APBA1: variants seen among roughly 807,000 people sequenced by gnomAD.
The protein encoded by APBA1 is amyloid-beta A4 precursor protein-binding family A member 1.
Under a neutral mutation model 86.6 loss-of-function variants are expected in APBA1, and 55 were observed. The ratio of observed to expected loss-of-function variants is 0.64; its 90% CI spans 0.51 to 0.80. The LOEUF is 0.80. Among genes scored for constraint, APBA1 ranks in the 30% least tolerant of loss-of-function variants. The pLI, the probability that APBA1 is intolerant of heterozygous loss-of-function variation, is 0.00. For synonymous variants in APBA1, 511 were observed against 493.9 expected (o/e 1.03, Z -0.46); for missense variants, 1,090 against 1,183.0 (o/e 0.92, Z 1.15).
chr9:69,473,043 G>C lies in APBA1; in HGVS notation c.1297-1348C>G, dbSNP rs190764449. On this transcript the variant is annotated intron_variant, in intron 3 of 12. Coordinates refer to ENST00000265381, the MANE Select transcript of APBA1 (RefSeq NM_001163.4). Reference sequence around the variant, plus strand: ...GCTTTTCAGTAAACCTGCTGCATGTGTGCTCACTGGGATGAAATGGTTCTG... The same window carrying C: ...GCTTTTCAGTAAACCTGCTGCATGTCTGCTCACTGGGATGAAATGGTTCTG... Among the ~76,000 whole-genome samples, 231 of 152,290 alleles carry C rather than the reference G, an allele frequency of 1.5e-3. 2 individuals carry two copies. The highest frequency in any genetic ancestry group is 7.1e-4 in the Non-Finnish European group (48 of 68,018).
At chr9:69,644,038 C>A (rs1275013091) in intron 1 of APBA1, among the ~76,000 whole-genome samples, 1 of 152,194 alleles carries the variant, frequency 6.6e-6, no homozygotes, top group Non-Finnish European at 1.5e-5. Flanking sequence ...AATGGCCAGG[C>A]CTTCCTTGAC....
In APBA1 at chr9:69,516,506, C is replaced by T. The variant is rs368335611; in HGVS notation, c.705G>A (p.Leu235=). Residue 235 remains leucine, a synonymous_variant, in exon 2 of 13, where the codon CTG becomes CTA. Transcript: ENST00000265381. The surrounding 1 kb of genome is among the most constrained non-coding windows in gnomAD (Gnocchi z 7.3). ...CGTCGGAGCGCTCGTCGTAATGGTGCAGCCGCGCGCCCAGGGCCTCCTGGC... is the reference window on the plus strand; with the variant it reads ...CGTCGGAGCGCTCGTCGTAATGGTGTAGCCGCGCGCCCAGGGCCTCCTGGC... ...AYRQEALGAR[L]HHYDERSDGE... is the part of the protein sequence containing the mutation. The T allele has an allele frequency of 6.3e-7, 1 of 1,596,364 alleles. No individual in the cohort carries two copies.
At chr9:69,553,525 C>A (rs1251213401) in intron 1 of APBA1, among the ~76,000 whole-genome samples, 1 of 152,144 alleles carries the variant, frequency 6.6e-6, no homozygotes, top group Non-Finnish European at 1.5e-5. Context: ...AAAATTCACC[C>A]ATGTCATTGT....
chr9:69,667,282 A>G (rs1215598674), intron 1 of APBA1, among the ~76,000 whole-genome samples: 1 of 152,182 alleles, frequency 6.6e-6, no homozygotes. Flanking sequence ...CTATACAAAA[A>G]TTACTTAAGT....
intron 3 of APBA1, chr9:69,474,162 G>A (rs1418002672): frequency 6.6e-6 from 1 of 152,144 alleles, no homozygotes; most frequent in African/African-American, 2.4e-5. Flanking sequence ...CACACAAATC[G>A]ACTCGTGCAG....
At chr9:69,596,393 T>C (rs1439607803) in intron 1 of APBA1, among the ~76,000 whole-genome samples, 3 of 152,230 alleles carry the variant, frequency 2.0e-5, no homozygotes, top group African/African-American at 4.8e-5. Flanking sequence ...CTGATTTATC[T>C]GTGTATTCAT....
chr9:69,499,224 A>C (rs530468231), intron 2 of APBA1, among the ~76,000 whole-genome samples: 1 of 152,248 alleles, frequency 6.6e-6, no homozygotes, highest in Admixed American at 6.5e-5. Flanking sequence ...TCTTCCTCTT[A>C]ACAGCACAAA....
At chr9:69,466,547 G>C (rs1337584264) in intron 5 of APBA1, among the ~76,000 whole-genome samples, 3 of 152,202 alleles carry the variant, frequency 2.0e-5, no homozygotes, top group Non-Finnish European at 4.4e-5. Context: ...CTCTGACACT[G>C]TCCTCTCCTT....
intron 1 of APBA1, among the ~76,000 whole-genome samples, chr9:69,546,059 T>G (rs1836692822): frequency 6.6e-6 from 1 of 152,224 alleles, no homozygotes; most frequent in South Asian, 2.1e-4. Flanking sequence ...AAATTTACTT[T>G]AAAAAATTAG....
chr9:69,476,035 A>G lies in APBA1; in HGVS notation c.1296+13T>C. 1 of 1,611,564 alleles carries G rather than the reference A, an allele frequency of 6.2e-7. No homozygotes were observed. On this transcript the variant is annotated intron_variant, in intron 3 of 12. Coordinates refer to ENST00000265381, the MANE Select transcript of APBA1 (RefSeq NM_001163.4). ...AATGGCCCAATGGCTTTGGTAACAA[A>G]ACAGCACCCTACCTCTTTATTAGTG...
chr9:69,577,842 G>A (rs1484343594), intron 1 of APBA1, among the ~76,000 whole-genome samples: 1 of 152,126 alleles, frequency 6.6e-6, no homozygotes, highest in East Asian at 1.9e-4. Context: ...CCAGAGAGGT[G>A]AAGGGACTTA....
chr9:69,440,573 C>T (rs62570245), intron 11 of APBA1, among the ~76,000 whole-genome samples: 10,438 of 152,166 alleles, frequency 0.069, 566 homozygotes, highest in East Asian at 0.27. Flanking sequence ...GGCGTAGGAC[C>T]CTCCGAGCCA....
intron 2 of APBA1, among the ~76,000 whole-genome samples, chr9:69,484,795 C>G (rs1421151711): frequency 2.0e-5 from 3 of 152,056 alleles, no homozygotes; most frequent in African/African-American, 7.2e-5. Flanking sequence ...TAAATGTTTA[C>G]TGAATAAATG....
chr9:69,448,397 T>C (rs1834947201), intron 10 of APBA1, among the ~76,000 whole-genome samples: 1 of 152,224 alleles, frequency 6.6e-6, no homozygotes, highest in African/African-American at 2.4e-5. Flanking sequence ...TAATCTTACC[T>C]TTAACGTGTA....
At chr9:69,537,276 G>A (rs1017024106) in intron 1 of APBA1, among the ~76,000 whole-genome samples, 1 of 151,906 alleles carries the variant, frequency 6.6e-6, no homozygotes, top group African/African-American at 2.4e-5. Flanking sequence ...TTAAAATATC[G>A]TCTGAAAAGC....
chr9:69,633,525 C>T (rs545738405), intron 1 of APBA1, among the ~76,000 whole-genome samples: 1 of 152,316 alleles, frequency 6.6e-6, no homozygotes, highest in Admixed American at 6.5e-5. Flanking sequence ...GGACTCTAAT[C>T]TTCTCAGTAT....
chr9:69,460,648 C>A (rs970670159), intron 5 of APBA1: 5 of 151,290 alleles, frequency 3.3e-5, no homozygotes, highest in African/African-American at 7.4e-5. Context: ...CACTGGAGTA[C>A]CCAAATTCTT....
At chr9:69,636,823 GA>G (rs1823172269) in intron 1 of APBA1, among the ~76,000 whole-genome samples, 1 of 26,886 alleles carries the variant, frequency 3.7e-5, no homozygotes, top group African/African-American at 1.3e-4. Flanking sequence ...GAGAGAGAGA[GA>G]GAGAGAGGGA....
chr9:69,476,799 T>C (rs1332799644), intron 2 of APBA1, among the ~76,000 whole-genome samples: 2 of 152,100 alleles, frequency 1.3e-5, no homozygotes, highest in South Asian at 2.1e-4. Context: ...CTTAGAAAAA[T>C]AGGCTCAGGG....
Sources: gnomAD v4.1 joint callset for allele counts (sites outside exome capture counted in the v4.1 genomes callset) on GRCh38, gnomAD v4.1.1 for gene constraint, Gnocchi (gnomAD v3.1) non-coding constraint, MANE v1.5 for transcripts, NCBI Gene and HGNC (gene_info 2026-07-23, HGNC 2026-07-21) for gene names.